ATRNL1: variants seen among roughly 807,000 people sequenced by gnomAD.
The protein encoded by ATRNL1 is attractin like 1.
ATRNL1 carries 95 observed loss-of-function variants against 182.7 expected under a neutral mutation model. That is an observed-to-expected ratio of 0.52 (90% CI 0.44 to 0.62). The LOEUF is 0.62. Ranked by LOEUF, ATRNL1 falls within the 20% of genes least tolerant of loss-of-function variation. The probability of loss-of-function intolerance (pLI) is 0.00; values close to 1 mark genes in which losing one functional copy is unlikely to be tolerated. For missense variants in ATRNL1, 1,471 were observed against 1,679.5 expected (o/e 0.88, Z 2.17); for synonymous variants, 576 against 568.3 (o/e 1.01, Z -0.19).
intron 8 of ATRNL1, among the ~76,000 whole-genome samples, chr10:115,214,798 T>A (rs1177232519): frequency 2.6e-5 from 4 of 152,152 alleles, no homozygotes; most frequent in Non-Finnish European, 5.9e-5. Context: ...GATTGGTGTT[T>A]TTATTAGTGA....
chr10:115,881,410 T>C (rs930589302), intron 28 of ATRNL1, among the ~76,000 whole-genome samples: 10 of 152,214 alleles, frequency 6.6e-5, no homozygotes, highest in African/African-American at 2.4e-4. Flanking sequence ...CTTCTGTTTC[T>C]GCCGGATGGT....
intron 27 of ATRNL1, among the ~76,000 whole-genome samples, chr10:115,831,178 T>G (rs1247925478): frequency 6.6e-6 from 1 of 152,118 alleles, no homozygotes; most frequent in Non-Finnish European, 1.5e-5. Context: ...TTTGCTTCCC[T>G]TTTCCCTAAG....
chr10:115,171,171 T>C lies in ATRNL1; in HGVS notation c.1227T>C (p.Tyr409=). 6.2e-7 allele frequency: 1 copy of C among 1,611,696 alleles called. No individual in the cohort carries two copies. The highest frequency in any genetic ancestry group is 8.5e-7 in the Non-Finnish European group (1 of 1,178,406). ...TPTVLGHGQQ[Y]AVEGHSAHIM... ...CTGTTCTTGGACATGGTCAGCAGTA[T>C]GCTGTGGAGGGACATTCAGCACATA... The change falls in exon 8 of 29, where the codon TAT becomes TAC. Residue 409 remains tyrosine (Y), a synonymous_variant. Coordinates refer to ENST00000355044, the MANE Select transcript of ATRNL1 (RefSeq NM_207303.4).
intron 19 of ATRNL1, among the ~76,000 whole-genome samples, chr10:115,346,735 T>C (rs1359399947): frequency 6.6e-6 from 1 of 152,060 alleles, no homozygotes; most frequent in Non-Finnish European, 1.5e-5. Flanking sequence ...AATTGGGCTT[T>C]TTTTGCTGTT....
At chr10:115,536,833 C>G (rs1198948108) in intron 25 of ATRNL1, among the ~76,000 whole-genome samples, 1 of 152,066 alleles carries the variant, frequency 6.6e-6, no homozygotes, top group Admixed American at 6.5e-5. Flanking sequence ...AATGTAACTC[C>G]CTGAAGAAAA....
At chr10:115,583,666 T>C (rs1855287202) in intron 26 of ATRNL1, among the ~76,000 whole-genome samples, 1 of 146,810 alleles carries the variant, frequency 6.8e-6, no homozygotes, top group Non-Finnish European at 1.5e-5. Context: ...ACAATGGGGT[T>C]TTCTAGATAT....
intron 26 of ATRNL1, among the ~76,000 whole-genome samples, chr10:115,652,292 G>A (rs12246470): frequency 0.012 from 1,770 of 151,004 alleles, 36 homozygotes; most frequent in African/African-American, 0.041. Flanking sequence ...TTTCTATTTT[G>A]TATTTTTCTC....
chr10:115,729,104 G>T (rs1555061723), intron 27 of ATRNL1, among the ~76,000 whole-genome samples: 1 of 151,974 alleles, frequency 6.6e-6, no homozygotes, highest in African/African-American at 2.4e-5. Context: ...CAAACTCAAG[G>T]AACAAATATG....
At chr10:115,917,469 C>T (rs1419721450) in intron 28 of ATRNL1, among the ~76,000 whole-genome samples, 1 of 95,398 alleles carries the variant, frequency 1.0e-5, no homozygotes, top group Non-Finnish European at 1.9e-5. Context: ...GACTCTGTCT[C>T]AAAAAAAAAA....
At chr10:115,770,868 C>T (rs1555076213) in intron 27 of ATRNL1, among the ~76,000 whole-genome samples, 3 of 152,090 alleles carry the variant, frequency 2.0e-5, no homozygotes, top group Admixed American at 2.0e-4. Flanking sequence ...CCTACATGTT[C>T]AGTATAAAAT....
intron 9 of ATRNL1, among the ~76,000 whole-genome samples, chr10:115,217,838 C>G (rs1467510544): frequency 6.6e-6 from 1 of 152,088 alleles, no homozygotes; most frequent in Admixed American, 6.5e-5. Context: ...TTTAAACACA[C>G]AAAGTTATCA....
intron 24 of ATRNL1, among the ~76,000 whole-genome samples, chr10:115,475,816 C>T (rs1848502771): frequency 6.6e-6 from 1 of 151,196 alleles, no homozygotes; most frequent in Non-Finnish European, 1.5e-5. Flanking sequence ...TTATCATTTA[C>T]CTCACCTTTT....
intron 26 of ATRNL1, among the ~76,000 whole-genome samples, chr10:115,598,350 A>ATTATTTAT (rs35735636): frequency 0.033 from 4,761 of 145,800 alleles, 256 homozygotes; most frequent in Admixed American, 0.14. Context: ...ATTTAAAAAA[A>ATTATTTAT]TTATTTATTT....
intron 26 of ATRNL1, among the ~76,000 whole-genome samples, chr10:115,561,079 CT>C (rs1853676111): frequency 6.6e-6 from 1 of 152,034 alleles, no homozygotes; most frequent in Non-Finnish European, 1.5e-5. Flanking sequence ...AGAAAATCTT[CT>C]TGATCTTTCA....
intron 27 of ATRNL1, among the ~76,000 whole-genome samples, chr10:115,728,168 A>G (rs1269837631): frequency 2.0e-5 from 3 of 148,418 alleles, no homozygotes. Context: ...GGTGGCAGGC[A>G]CCTGTGGTCC....
intron 27 of ATRNL1, among the ~76,000 whole-genome samples, chr10:115,775,087 C>T (rs991115126): frequency 1.3e-5 from 2 of 152,038 alleles, no homozygotes; most frequent in Non-Finnish European, 2.9e-5. Context: ...ATGAGATGTC[C>T]ATTAAAAAAC....
chr10:115,652,184 T>C (rs529558453), intron 26 of ATRNL1, among the ~76,000 whole-genome samples: 1 of 152,212 alleles, frequency 6.6e-6, no homozygotes, highest in South Asian at 2.1e-4. Flanking sequence ...ATTGTTAGCA[T>C]TTCTCTATCC....
chr10:115,667,305 A>G lies in ATRNL1; in HGVS notation c.3796-59943A>G, dbSNP rs143931398. Among the ~76,000 whole-genome samples, 247 of 152,298 alleles carry G rather than the reference A, an allele frequency of 1.6e-3. 1 individual carries two copies. The highest frequency in any genetic ancestry group is 2.9e-3 in the Non-Finnish European group (199 of 68,024). The stretch of plus-strand genomic sequence containing the variant: ...GTTATCTATTGTGGTGTAACGAACT[A>G]TCTCAAAATTTAATGACTTAAAACA... On this transcript the variant is annotated intron_variant, in intron 26 of 28. Coordinates refer to ENST00000355044, the MANE Select transcript of ATRNL1 (RefSeq NM_207303.4).
At chr10:115,139,486 G>C (rs182044800) in intron 5 of ATRNL1, among the ~76,000 whole-genome samples, 4 of 152,112 alleles carry the variant, frequency 2.6e-5, no homozygotes, top group African/African-American at 7.2e-5. Context: ...CTCACATGGC[G>C]GCAGACAACA....
Sources: gnomAD v4.1 joint callset for allele counts (sites outside exome capture counted in the v4.1 genomes callset) on GRCh38, gnomAD v4.1.1 for gene constraint, MANE v1.5 for transcripts, NCBI Gene and HGNC (gene_info 2026-07-23, HGNC 2026-07-21) for gene names.